Variants in RICTOR observed in about 807,000 individuals in gnomAD.
The protein encoded by RICTOR is rapamycin-insensitive companion of mTOR.
A neutral mutation model predicts 214.9 loss-of-function variants in RICTOR; 49 were observed. That is an observed-to-expected ratio of 0.23 (90% CI 0.18 to 0.29). RICTOR has a LOEUF of 0.29. Among genes scored for constraint, RICTOR ranks in the 10% least tolerant of loss-of-function variants. RICTOR has a pLI of 1.00. For missense variants in RICTOR, 1,625 were observed against 2,047.0 expected (o/e 0.79, Z 3.98); for synonymous variants, 717 against 711.3 (o/e 1.01, Z -0.13).
At chr5:39,034,354 T>G (rs576080372) in intron 2 of RICTOR, among the ~76,000 whole-genome samples, 55 of 152,286 alleles carry the variant, frequency 3.6e-4, no homozygotes, top group African/African-American at 9.1e-4. Flanking sequence ...GATGGCCGAA[T>G]AGGAATGGCT....
intron 2 of RICTOR, among the ~76,000 whole-genome samples, chr5:39,051,872 T>TTA (rs1266248925): frequency 3.9e-5 from 6 of 152,234 alleles, no homozygotes; most frequent in African/African-American, 7.2e-5. Flanking sequence ...CTAAAATAGC[T>TTA]TAAAATTAAT....
chr5:38,981,821 T>C (rs930420919), intron 8 of RICTOR, 46 bp downstream of exon 8: 1 of 1,325,246 alleles, frequency 7.5e-7, no homozygotes, highest in African/African-American at 1.5e-5. Context: ...AAAGTATACA[T>C]TTATAATAAT....
Position 39,074,362 on chromosome 5 carries a change from G to T in RICTOR, c.16C>A (p.Arg6Ser). ...CGGAGGTTCTTCAGAGAGCGGCCGC[G>T]GCCGATCGCCGCCATATTGACGGGT... is the stretch of plus-strand genomic sequence containing the variant. MAAIG[R>S]GRSLKNLRVR... is the part of the protein sequence containing the mutation. Residue 6 changes from arginine (R) to serine (S), a missense_variant, in exon 1 of 38, where the codon CGC (arginine) becomes AGC (serine). This residue lies in a region of RICTOR where 71 missense variants were observed against 57.9 expected (regional missense o/e 1.23). Coordinates refer to ENST00000357387, the MANE Select transcript of RICTOR (RefSeq NM_152756.5). 1.3e-6 allele frequency: 2 copies of T among 1,538,502 alleles called. No homozygotes were observed. The highest frequency in any genetic ancestry group is 1.8e-6 in the Non-Finnish European group (2 of 1,141,972).
At chr5:39,018,598 A>G (rs564964103) in intron 3 of RICTOR, among the ~76,000 whole-genome samples, 2 of 152,256 alleles carry the variant, frequency 1.3e-5, no homozygotes, top group Non-Finnish European at 2.9e-5. Flanking sequence ...GTGATCCTCA[A>G]TGTAACTATT....
intron 3 of RICTOR, among the ~76,000 whole-genome samples, chr5:39,018,986 T>G (rs146901236): frequency 3.3e-5 from 5 of 152,332 alleles, no homozygotes; most frequent in Admixed American, 1.3e-4. Flanking sequence ...ACAGCCTTAC[T>G]GCTGATAGAA....
intron 8 of RICTOR, among the ~76,000 whole-genome samples, chr5:38,980,318 C>A (rs192837152): frequency 6.6e-6 from 1 of 152,234 alleles, no homozygotes; most frequent in East Asian, 1.9e-4. Flanking sequence ...AGGCATTGTG[C>A]ACTTTATAAA....
At position 38,950,728 on chromosome 5, in the gene RICTOR, T is replaced by C. The variant is rs1579885231; in HGVS notation, c.3128-8A>G. ...CCTCCAATATGAACATACCTATGAT[T>C]GAAGGATCAATTAATAAAAACACAT... On this transcript the variant is annotated splice_polypyrimidine_tract_variant and splice_region_variant and intron_variant, in intron 30 of 37. Coordinates refer to ENST00000357387, the MANE Select transcript of RICTOR (RefSeq NM_152756.5). 1.3e-6 allele frequency: 2 copies of C among 1,547,892 alleles called. No individual in the cohort carries two copies. Among genetic ancestry groups the C allele is most frequent in the East Asian group, 4.5e-5 (2 of 44,230 alleles).
Position 38,944,904 on chromosome 5 carries a change from A to C in RICTOR, c.4789+9T>G, listed in dbSNP as rs1748006201. 6.2e-7 allele frequency: 1 copy of C among 1,611,782 alleles called. No homozygotes were observed. Among genetic ancestry groups the C allele is most frequent in the Admixed American group, 1.7e-5 (1 of 59,830 alleles). ...CTAATAATGATTGGATTTGAATCTG[A>C]AGACTCACCTAGTAACAATTCTGTG... On this transcript the variant is annotated intron_variant, in intron 35 of 37. Coordinates refer to ENST00000357387, the MANE Select transcript of RICTOR (RefSeq NM_152756.5).
intron 2 of RICTOR, among the ~76,000 whole-genome samples, chr5:39,033,206 C>A (rs1580148824): frequency 6.6e-6 from 1 of 152,064 alleles, no homozygotes; most frequent in Non-Finnish European, 1.5e-5. Flanking sequence ...TCCATTATCT[C>A]CTTCCCCCAG....
Position 38,945,470 on chromosome 5 carries a change from AGGT to A in RICTOR, c.4633+18_4633+20del, listed in dbSNP as rs760635119. The A allele has an allele frequency of 6.7e-7, 1 of 1,499,048 alleles. No homozygotes were observed. Among genetic ancestry groups the A allele is most frequent in the South Asian group, 1.2e-5 (1 of 85,638 alleles). 92.9% of individuals were successfully genotyped at this position (1,499,048 alleles called of 1,614,324 possible). A position where few individuals can be genotyped will look rare whatever the true frequency, so the allele number is the denominator to read the frequency against. On this transcript the variant is annotated intron_variant, in intron 34 of 37. Transcript: ENST00000357387. ...TTTAGTCATCACTAGGTTTTTCTGA[AGGT>A]GGGACGTGATCACTTACCTGAATGA...
At chr5:39,012,112 T>G (rs1038916923) in intron 3 of RICTOR, among the ~76,000 whole-genome samples, 1 of 152,168 alleles carries the variant, frequency 6.6e-6, no homozygotes, top group Admixed American at 6.5e-5. Context: ...ACTTGAATCA[T>G]GGGGGTGATT....
Position 39,002,400 on chromosome 5 carries a change from G to GTA in RICTOR, c.392+133_392+134dup, listed in dbSNP as rs1208545056. 4.1e-3 allele frequency: 1,491 copies of GTA among 363,264 alleles called. 9 individuals carry two copies. Among genetic ancestry groups the GTA allele is most frequent in the African/African-American group, 0.025 (784 of 31,704 alleles). The allele number at this position is 363,264 out of a possible 1,614,324, so 22.5% of individuals were successfully genotyped here. On this transcript the variant is annotated intron_variant, in intron 5 of 37. Coordinates refer to ENST00000357387, the MANE Select transcript of RICTOR (RefSeq NM_152756.5). ...TACTTGGTTGTGTGTGTGTGTGTGTGTATATATATATATATACACACACAC... is the reference window on the plus strand; with the variant it reads ...TACTTGGTTGTGTGTGTGTGTGTGTGTATATATATATATATATACACACACAC...
At chr5:39,065,625 T>G (rs1758852120) in intron 2 of RICTOR, among the ~76,000 whole-genome samples, 1 of 152,212 alleles carries the variant, frequency 6.6e-6, no homozygotes, top group Non-Finnish European at 1.5e-5. Context: ...ACAAATAAGT[T>G]ATTTACTCCC....
intron 2 of RICTOR, among the ~76,000 whole-genome samples, chr5:39,048,810 T>A (rs1295968470): frequency 2.6e-5 from 4 of 152,122 alleles, no homozygotes; most frequent in Non-Finnish European, 4.4e-5. Context: ...TTCCTAAAGC[T>A]TAAGAGCAGG....
chr5:38,941,869 T>G lies in RICTOR; in HGVS notation c.*435A>C, dbSNP rs1747606697. On this transcript the variant is annotated 3_prime_UTR_variant, in exon 38 of 38. Transcript: ENST00000357387. ...AGGATGCAGCCTTAGAGACACTGAT[T>G]CCTGCTTTCCACAAGTTAGTTAACA... 1 of 233,616 alleles carries G rather than the reference T, an allele frequency of 4.3e-6. No homozygotes were observed. Among genetic ancestry groups the G allele is most frequent in the African/African-American group, 2.2e-5 (1 of 45,296 alleles). The allele number at this position is 233,616 out of a possible 1,614,324, so 14.5% of individuals were successfully genotyped here. A position where few individuals can be genotyped will look rare whatever the true frequency, so the allele number is the denominator to read the frequency against.
At chr5:38,967,127 C>T (rs1750300531) in intron 14 of RICTOR, 34 bp downstream of exon 14, 1 of 1,485,278 alleles carries the variant, frequency 6.7e-7, no homozygotes. Flanking sequence ...AGAAAATAAA[C>T]AAAATGGAAT....
chr5:38,966,711 T>G lies in RICTOR; in HGVS notation c.1229A>C (p.Glu410Ala), dbSNP rs1750257443. ...ATGATCATCACTGTTTGTTATCACT[T>G]CAACTAGACCCTTTGAAAATAAAAA... ...IRNGLLEGLVEVITNSDDHIS... is the reference protein window; with the variant it reads ...IRNGLLEGLVAVITNSDDHIS... Residue 410 changes from glutamate to alanine, a missense_variant, in exon 15 of 38, where the codon GAA becomes GCA. Transcript: ENST00000357387. 8 of 1,559,196 alleles carry G rather than the reference T, an allele frequency of 5.1e-6. No homozygotes were observed. Among genetic ancestry groups the G allele is most frequent in the Non-Finnish European group, 7.0e-6 (8 of 1,135,146 alleles).
rs181399567 is a variant in RICTOR, at chr5:38,989,906, T to A, written c.583+1043A>T. On this transcript the variant is annotated intron_variant, in intron 7 of 37. Transcript: ENST00000357387. Reference sequence around the variant, plus strand: ...AACGCTTTCACACTGTTGGTGGGACTGTAAATTAGTTCAACCATTGTGGAA... The same window carrying A: ...AACGCTTTCACACTGTTGGTGGGACAGTAAATTAGTTCAACCATTGTGGAA... Among the ~76,000 whole-genome samples, 280 of 152,308 alleles carry A rather than the reference T, an allele frequency of 1.8e-3. 1 individual carries two copies. The highest frequency in any genetic ancestry group is 0.011 in the South Asian group (52 of 4,832).
intron 2 of RICTOR, among the ~76,000 whole-genome samples, chr5:39,035,809 G>A (rs1215241642): frequency 6.6e-6 from 1 of 152,188 alleles, no homozygotes; most frequent in Admixed American, 6.5e-5. Flanking sequence ...AGAAATATGG[G>A]ACTATGTAAA....
Sources: gnomAD v4.1 joint callset for allele counts (sites outside exome capture counted in the v4.1 genomes callset) on GRCh38, gnomAD v4.1.1 for gene constraint, gnomAD v4.1.1 regional missense constraint, MANE v1.5 for transcripts, NCBI Gene and HGNC (gene_info 2026-07-23, HGNC 2026-07-21) for gene names.